The following PDE4D variants were observed in gnomAD, a reference collection of about 807,000 sequenced individuals.
PDE4D encodes 3',5'-cyclic-AMP phosphodiesterase 4D.
In PDE4D, 24 loss-of-function variants were observed where a neutral mutation model predicts 87.4. The ratio of observed to expected loss-of-function variants is 0.27; its 90% CI spans 0.20 to 0.39. The LOEUF is 0.39. Among genes scored for constraint, PDE4D ranks in the 10% least tolerant of loss-of-function variants. PDE4D has a pLI of 1.00. For synonymous variants in PDE4D, 384 were observed against 383.2 expected (o/e 1.00, Z -0.02); for missense variants, 714 against 1,041.0 (o/e 0.69, Z 4.32).
intron 1 of PDE4D, among the ~76,000 whole-genome samples, chr5:59,686,723 G>A (rs984111112): frequency 6.6e-6 from 1 of 152,078 alleles, no homozygotes; most frequent in Admixed American, 6.6e-5. Context: ...CTACTGTACA[G>A]CTTATTTCTT....
intron 1 of PDE4D, among the ~76,000 whole-genome samples, chr5:59,740,970 A>G (rs922783268): frequency 1.8e-4 from 28 of 152,166 alleles, no homozygotes; most frequent in African/African-American, 5.8e-4. Flanking sequence ...AATATGGAAA[A>G]TGGTTTAGTC....
intron 1 of PDE4D, among the ~76,000 whole-genome samples, chr5:59,706,972 G>T (rs1753504151): frequency 6.6e-6 from 1 of 152,160 alleles, no homozygotes; most frequent in South Asian, 2.1e-4. Context: ...AATGAAACCA[G>T]TAATACAGAC....
At chr5:59,475,901 G>A (rs988902372) in intron 1 of PDE4D, among the ~76,000 whole-genome samples, 2 of 151,872 alleles carry the variant, frequency 1.3e-5, no homozygotes, top group African/African-American at 4.8e-5. Flanking sequence ...AATTCTGTTT[G>A]TTTCCATTTT....
At chr5:59,152,614 T>C (rs1308212113) in intron 5 of PDE4D, among the ~76,000 whole-genome samples, 5 of 152,164 alleles carry the variant, frequency 3.3e-5, no homozygotes, top group African/African-American at 1.2e-4. Context: ...AAACGGTTTG[T>C]TTATTTGCCC....
intron 1 of PDE4D, among the ~76,000 whole-genome samples, chr5:59,376,891 A>G (rs962643237): frequency 6.6e-6 from 1 of 152,154 alleles, no homozygotes; most frequent in East Asian, 1.9e-4. Flanking sequence ...TATACCTACA[A>G]CTATCTGATC....
At chr5:60,445,816 A>G (rs1278640741) in intron 1 of PDE4D, among the ~76,000 whole-genome samples, 1 of 152,294 alleles carries the variant, frequency 6.6e-6, no homozygotes, top group South Asian at 2.1e-4. Context: ...CCACAATTAA[A>G]AAAGACTCAA....
intron 1 of PDE4D, among the ~76,000 whole-genome samples, chr5:59,299,998 G>A (rs1309614408): frequency 3.3e-5 from 5 of 151,430 alleles, no homozygotes; most frequent in African/African-American, 1.2e-4. Flanking sequence ...TGTAGTCCCG[G>A]CTACTTGGGA....
intron 1 of PDE4D, among the ~76,000 whole-genome samples, chr5:59,325,410 G>A (rs1775468163): frequency 6.6e-6 from 1 of 152,130 alleles, no homozygotes; most frequent in Non-Finnish European, 1.5e-5. Context: ...TAGCCAGAAA[G>A]ATAAATCTTC....
chr5:59,641,968 C>G (rs1203669611), intron 1 of PDE4D, among the ~76,000 whole-genome samples: 1 of 152,030 alleles, frequency 6.6e-6, no homozygotes, highest in East Asian at 1.9e-4. Flanking sequence ...AACTTGGGAG[C>G]AATATAAATG....
chr5:59,169,838 T>C (rs1329554760), intron 5 of PDE4D, among the ~76,000 whole-genome samples: 2 of 152,200 alleles, frequency 1.3e-5, no homozygotes, highest in Non-Finnish European at 2.9e-5. Context: ...ATTTAGATCC[T>C]GAGCCTTATC....
intron 1 of PDE4D, among the ~76,000 whole-genome samples, chr5:59,744,752 G>T (rs909331034): frequency 6.6e-6 from 1 of 152,182 alleles, no homozygotes; most frequent in African/African-American, 2.4e-5. Flanking sequence ...TGATGAAAAT[G>T]AAGGGTGAGT....
chr5:60,320,901 A>G (rs1562321301), intron 1 of PDE4D, among the ~76,000 whole-genome samples: 1 of 152,186 alleles, frequency 6.6e-6, no homozygotes, highest in Non-Finnish European at 1.5e-5. Context: ...AGAAATCGGA[A>G]ATAACACAAT....
intron 1 of PDE4D, among the ~76,000 whole-genome samples, chr5:59,241,799 G>T (rs1757741490): frequency 6.6e-6 from 1 of 152,090 alleles, no homozygotes; most frequent in Non-Finnish European, 1.5e-5. Context: ...GGTCAAAGTA[G>T]ATTCTTTAGC....
chr5:59,426,613 C>T lies in PDE4D; in HGVS notation c.456-210645G>A, dbSNP rs538966446. On this transcript the variant is annotated intron_variant, in intron 1 of 14. Coordinates refer to ENST00000340635, the MANE Select transcript of PDE4D (RefSeq NM_001104631.2). Reference sequence around the variant, plus strand: ...ACCCCCCTACCACCCCACCCTGCCCCGACAGTAATGGTGTCAAGCCACCAA... The same window carrying T: ...ACCCCCCTACCACCCCACCCTGCCCTGACAGTAATGGTGTCAAGCCACCAA... Among the ~76,000 whole-genome samples, 173 of 152,168 alleles carry T rather than the reference C, an allele frequency of 1.1e-3. 1 individual carries two copies. Among genetic ancestry groups the T allele is most frequent in the Non-Finnish European group, 1.8e-3 (125 of 67,994 alleles).
chr5:60,511,159 G>A (rs889626559), intron 1 of PDE4D, among the ~76,000 whole-genome samples: 1 of 151,958 alleles, frequency 6.6e-6, no homozygotes, highest in African/African-American at 2.4e-5. Flanking sequence ...CAGTAGAGAC[G>A]ATGCTTTGCT....
chr5:59,585,117 G>A (rs72769727), intron 1 of PDE4D, among the ~76,000 whole-genome samples: 258 of 152,242 alleles, frequency 1.7e-3, no homozygotes, highest in Non-Finnish European at 2.5e-3. Flanking sequence ...TAGAGACTGG[G>A]GATAGTAGCT....
intron 1 of PDE4D, among the ~76,000 whole-genome samples, chr5:60,318,107 G>A (rs1297707736): frequency 6.6e-6 from 1 of 151,532 alleles, no homozygotes; most frequent in African/African-American, 2.4e-5. Flanking sequence ...TCCCATTATT[G>A]TATGGGCGTC....
At chr5:59,346,792 C>T (rs920380971) in intron 1 of PDE4D, among the ~76,000 whole-genome samples, 1 of 152,116 alleles carries the variant, frequency 6.6e-6, no homozygotes, top group East Asian at 1.9e-4. Context: ...CTACTCAAAG[C>T]ATTTTGAACT....
At chr5:59,993,743 A>G (rs1390346954) in intron 2 of PDE4D, among the ~76,000 whole-genome samples, 2 of 152,090 alleles carry the variant, frequency 1.3e-5, no homozygotes, top group Non-Finnish European at 2.9e-5. Flanking sequence ...AAAAGTCATA[A>G]TAATAAAATG....
Sources: gnomAD v4.1 joint callset for allele counts (sites outside exome capture counted in the v4.1 genomes callset) on GRCh38, gnomAD v4.1.1 for gene constraint, MANE v1.5 for transcripts, NCBI Gene and HGNC (gene_info 2026-07-23, HGNC 2026-07-21) for gene names.